PIK3CB: variants seen among roughly 807,000 people sequenced by gnomAD.
The protein encoded by PIK3CB is phosphatidylinositol 4,5-bisphosphate 3-kinase catalytic subunit beta isoform.
Under a neutral mutation model 136.8 loss-of-function variants are expected in PIK3CB, and 39 were observed. The observed-to-expected ratio is 0.29, with a 90% CI of 0.22 to 0.37. The LOEUF is 0.37. Among genes scored for constraint, PIK3CB ranks in the 10% least tolerant of loss-of-function variants. The pLI is 1.00. For synonymous variants in PIK3CB, 428 were observed against 436.6 expected (o/e 0.98, Z 0.25); for missense variants, 868 against 1,275.4 (o/e 0.68, Z 4.87).
At chr3:138,734,495 A>C (rs2045058914) in intron 7 of PIK3CB, 139 bp downstream of exon 7, 7 of 498,750 alleles carry the variant, frequency 1.4e-5, no homozygotes, top group Non-Finnish European at 2.4e-5. Flanking sequence ...TTTTTAAATA[A>C]ATGGTGATCG....
chr3:138,656,875 A>G (rs2043200821), intron 22 of PIK3CB, among the ~76,000 whole-genome samples: 2 of 152,062 alleles, frequency 1.3e-5, no homozygotes, highest in South Asian at 4.1e-4. Flanking sequence ...GGTTCAAGCA[A>G]TTCTGCCTCA....
intron 8 of PIK3CB, among the ~76,000 whole-genome samples, chr3:138,730,735 CA>C (rs561447571): frequency 3.9e-4 from 59 of 151,990 alleles, no homozygotes; most frequent in African/African-American, 1.4e-3. Context: ...CCAGCATTGG[CA>C]ACATAGCAAG....
chr3:138,771,246 G>A (rs1445431442), intron 2 of PIK3CB, among the ~76,000 whole-genome samples: 5 of 132,376 alleles, frequency 3.8e-5, no homozygotes, highest in Non-Finnish European at 4.8e-5. Flanking sequence ...TTTTTGAGAC[G>A]GAGTCTCGCT....
intron 4 of PIK3CB, among the ~76,000 whole-genome samples, chr3:138,749,606 C>G (rs2045427864): frequency 6.6e-6 from 1 of 152,168 alleles, no homozygotes; most frequent in Non-Finnish European, 1.5e-5. Flanking sequence ...GTTGTCCTAT[C>G]TGTCCCCCTA....
At chr3:138,746,609 C>T (rs942765199) in intron 4 of PIK3CB, among the ~76,000 whole-genome samples, 6 of 151,620 alleles carry the variant, frequency 4.0e-5, no homozygotes, top group East Asian at 1.9e-4. Context: ...TGCAGTGAGC[C>T]GAGATCACGC....
Position 138,761,993 on chromosome 3 carries a change from T to C in PIK3CB, c.-16-2634A>G, listed in dbSNP as rs1445133059. Among the ~76,000 whole-genome samples the C allele has an allele frequency of 2.0e-5, 3 of 148,868 alleles. No individual in the cohort carries two copies. In the South Asian group the frequency reaches 6.4e-4, roughly 32 times the overall value. ...CAGGCACGGTGGCTTATGCCTGTAA[T>C]CCCAGTACTTTGGGAGGCCGAGGTG... On this transcript the variant is annotated intron_variant, in intron 2 of 23. Coordinates refer to ENST00000674063, the MANE Select transcript of PIK3CB (RefSeq NM_006219.3).
intron 19 of PIK3CB, 74 bp from the exon 20 acceptor site, chr3:138,665,277 T>G: frequency 8.3e-7 from 1 of 1,198,794 alleles, no homozygotes; most frequent in Non-Finnish European, 1.1e-6. Context: ...ATTTTCCCTT[T>G]ACTTTTTAAA....
At chr3:138,678,115 A>AC (rs1174807388) in intron 19 of PIK3CB, among the ~76,000 whole-genome samples, 8 of 151,988 alleles carry the variant, frequency 5.3e-5, no homozygotes, top group Admixed American at 5.2e-4. Context: ...TCTCAAAAAA[A>AC]ATTTTAAATC....
At chr3:138,721,853 G>A (rs746517221) in intron 8 of PIK3CB, among the ~76,000 whole-genome samples, 3 of 152,266 alleles carry the variant, frequency 2.0e-5, no homozygotes, top group African/African-American at 4.8e-5. Flanking sequence ...TGTCAGAGGT[G>A]TTGGTGCTCA....
chr3:138,810,640 C>A (rs373860084), intron 1 of PIK3CB, among the ~76,000 whole-genome samples: 1 of 152,108 alleles, frequency 6.6e-6, no homozygotes, highest in East Asian at 1.9e-4. Flanking sequence ...AATGTTGGGC[C>A]GGGCATGGTG....
intron 21 of PIK3CB, among the ~76,000 whole-genome samples, chr3:138,661,168 T>C (rs964490933): frequency 1.3e-5 from 2 of 152,240 alleles, no homozygotes; most frequent in Non-Finnish European, 2.9e-5. Flanking sequence ...CCCTTTCTTG[T>C]AGTCTCTGTA....
chr3:138,814,633 C>T (rs1443236587), intron 1 of PIK3CB, among the ~76,000 whole-genome samples: 1 of 152,038 alleles, frequency 6.6e-6, no homozygotes, highest in Non-Finnish European at 1.5e-5. Flanking sequence ...CCTTCCTTTC[C>T]TCCACTCAAC....
intron 2 of PIK3CB, among the ~76,000 whole-genome samples, chr3:138,769,642 TA>T (rs2045776572): frequency 6.6e-6 from 1 of 152,252 alleles, no homozygotes; most frequent in Non-Finnish European, 1.5e-5. Context: ...TTGTCAGACT[TA>T]AAACTGTAAC....
rs754551112 is a variant in PIK3CB, at chr3:138,737,810, G to A, written c.698C>T (p.Thr233Ile). 9 of 1,608,930 alleles carry A rather than the reference G, an allele frequency of 5.6e-6. No individual in the cohort carries two copies. The highest frequency in any genetic ancestry group is 6.8e-6 in the Non-Finnish European group (8 of 1,176,978). The change falls in exon 6 of 24, where the codon ACT becomes ATT. Residue 233 changes from threonine (T) to isoleucine (I), a missense_variant. Transcript: ENST00000674063. ...AACTTCATCTTCCTTCCCATGAATA[G>A]TCAAACGTTTTTGGATTGCCAATTC... ...VNELAIQKRL[T>I]IHGKEDEVSP...
chr3:138,833,493 A>G (rs1934131442), intron 1 of PIK3CB, among the ~76,000 whole-genome samples: 2 of 152,188 alleles, frequency 1.3e-5, no homozygotes. Flanking sequence ...AAAATCTTAC[A>G]ATGTAGCATA....
At chr3:138,741,524 G>C (rs2045243769) in intron 5 of PIK3CB, among the ~76,000 whole-genome samples, 2 of 152,068 alleles carry the variant, frequency 1.3e-5, no homozygotes, top group East Asian at 3.9e-4. Flanking sequence ...AGTAATTCAA[G>C]AACAAAACAA....
At chr3:138,723,456 T>C (rs1480167100) in intron 8 of PIK3CB, among the ~76,000 whole-genome samples, 3 of 152,082 alleles carry the variant, frequency 2.0e-5, no homozygotes, top group Non-Finnish European at 2.9e-5. Flanking sequence ...GAGGCTGAGG[T>C]GGAAGGATCC....
At chr3:138,826,947 T>C (rs1001729029) in intron 1 of PIK3CB, among the ~76,000 whole-genome samples, 2 of 152,100 alleles carry the variant, frequency 1.3e-5, no homozygotes, top group African/African-American at 4.8e-5. Context: ...TGGGCACCTG[T>C]AATCCCAGCT....
intron 13 of PIK3CB, among the ~76,000 whole-genome samples, chr3:138,695,722 C>T (rs1010418467): frequency 4.0e-5 from 6 of 151,626 alleles, no homozygotes; most frequent in Non-Finnish European, 7.4e-5. Context: ...AATTTAATTA[C>T]TCTATTATTA....
Sources: gnomAD v4.1 joint callset for allele counts (sites outside exome capture counted in the v4.1 genomes callset) on GRCh38, gnomAD v4.1.1 for gene constraint, MANE v1.5 for transcripts, NCBI Gene and HGNC (gene_info 2026-07-23, HGNC 2026-07-21) for gene names.